The following REPS2 variants were observed in gnomAD, a reference collection of about 807,000 sequenced individuals.
REPS2 encodes the protein ralBP1-associated Eps domain-containing protein 2.
A neutral mutation model predicts 53.6 loss-of-function variants in REPS2; 23 were observed. The ratio of observed to expected loss-of-function variants is 0.43; its 90% CI spans 0.31 to 0.61. REPS2 has a LOEUF of 0.61. REPS2 is among the 20% of genes least tolerant of loss of function. The pLI, the probability that REPS2 is intolerant of heterozygous loss-of-function variation, is 0.11. For missense variants in REPS2, 446 were observed against 534.9 expected, an observed-to-expected ratio of 0.83 and a Z score of 1.64; for synonymous variants, 238 against 218.6, an observed-to-expected ratio of 1.09 and a Z score of -0.78.
At chrX:17,124,450 C>T (rs1336710563) in intron 14 of REPS2, among the ~76,000 whole-genome samples, 1 of 111,531 alleles carries the variant, frequency 9.0e-6, no homozygotes, top group Non-Finnish European at 1.9e-5. Context: ...GTCTCTTGGA[C>T]CTTCTTGAGG....
chrX:17,191,069 AC>A, the REPS2 span, among the ~76,000 whole-genome samples: 6 of 111,801 alleles, frequency 5.4e-5, no homozygotes, highest in African/African-American at 1.9e-4. Context: ...TAGACACGAC[AC>A]AAAAAACATG....
At chrX:16,952,433 T>A (rs1007345677) in intron 1 of REPS2, among the ~76,000 whole-genome samples, 3 of 112,089 alleles carry the variant, frequency 2.7e-5, no homozygotes, top group African/African-American at 9.7e-5. Flanking sequence ...TTAAGGGGAA[T>A]AATTATAAAA....
intron 9 of REPS2, among the ~76,000 whole-genome samples, chrX:17,068,058 A>T (rs1479636578): frequency 8.9e-6 from 1 of 112,000 alleles, no homozygotes; most frequent in African/African-American, 3.2e-5. Context: ...TCACGCCTAT[A>T]ATCTTAGCAC....
At chrX:17,059,920 A>G (rs9779316) in intron 8 of REPS2, among the ~76,000 whole-genome samples, 128 of 36,886 alleles carry the variant, frequency 3.5e-3, no homozygotes, top group Admixed American at 0.011. Context: ...GTTTCATCAA[A>G]AGTCTCCTTT....
At chrX:17,047,776 C>A (rs1227138053) in intron 6 of REPS2, among the ~76,000 whole-genome samples, 1 of 112,846 alleles carries the variant, frequency 8.9e-6, no homozygotes, top group Non-Finnish European at 1.9e-5. Context: ...CCCAAGGGGC[C>A]ACCTCTCATT....
intron 1 of REPS2, among the ~76,000 whole-genome samples, chrX:16,968,773 G>A (rs1470137907): frequency 2.6e-4 from 25 of 97,241 alleles, no homozygotes; most frequent in South Asian, 4.8e-4. Context: ...AGGGGCGGCC[G>A]GGCAGAGGCG....
chrX:16,983,820 G>C (rs1424246673), intron 1 of REPS2, among the ~76,000 whole-genome samples: 3 of 112,501 alleles, frequency 2.7e-5, no homozygotes, highest in Non-Finnish European at 5.6e-5. Flanking sequence ...TTTTGTTTTT[G>C]ATGAAGACAT....
At chrX:16,993,114 C>T (rs577739283) in intron 1 of REPS2, among the ~76,000 whole-genome samples, 8 of 111,941 alleles carry the variant, frequency 7.1e-5, no homozygotes, top group African/African-American at 2.6e-4. Flanking sequence ...ATGGAGTTTG[C>T]TGGCTCAGCA....
intron 6 of REPS2, among the ~76,000 whole-genome samples, chrX:17,051,339 T>C (rs1199109705): frequency 9.8e-5 from 11 of 112,232 alleles, no homozygotes; most frequent in African/African-American, 3.6e-4. Flanking sequence ...ACATATTTCT[T>C]TGATACACTG....
intron 13 of REPS2, among the ~76,000 whole-genome samples, chrX:17,083,188 A>T (rs1208892100): frequency 9.8e-6 from 1 of 101,631 alleles, no homozygotes; most frequent in African/African-American, 3.7e-5. Flanking sequence ...GTTCATGCCC[A>T]TTCTCCTGCC....
chrX:17,190,476 C>A, the REPS2 span, among the ~76,000 whole-genome samples: 11 of 112,032 alleles, frequency 9.8e-5, no homozygotes, highest in African/African-American at 3.6e-4. Context: ...CAAGGAAGGT[C>A]TAAACAAATG....
intron 1 of REPS2, among the ~76,000 whole-genome samples, chrX:16,956,194 C>T (rs746788516): frequency 1.2e-5 from 1 of 80,615 alleles, no homozygotes; most frequent in East Asian, 3.5e-4. Context: ...AAAAGAACTA[C>T]ATCTTTTTTT....
chrX:16,957,078 ATAAT>A (rs1377647395), intron 1 of REPS2, among the ~76,000 whole-genome samples: 4 of 112,317 alleles, frequency 3.6e-5, no homozygotes, highest in African/African-American at 1.3e-4. Context: ...AATTTTCCAA[ATAAT>A]TAAAGTGAAT....
At chrX:17,057,943 T>TTA (rs1162635354) in intron 8 of REPS2, among the ~76,000 whole-genome samples, 1 of 112,100 alleles carries the variant, frequency 8.9e-6, no homozygotes, top group Non-Finnish European at 1.9e-5. Flanking sequence ...AGGGTTATAT[T>TTA]TAATACCTTC....
In REPS2 at chrX:17,066,428, A is replaced by AT. The variant is rs1043228598; in HGVS notation, c.1210-1968dup. Among the ~76,000 whole-genome samples the AT allele has an allele frequency of 5.4e-5, 6 of 111,822 alleles. No individual in the cohort carries two copies. The Admixed American group carries it at 5.7e-4, about 11-fold the overall frequency. On this transcript the variant is annotated intron_variant, in intron 9 of 17. Transcript: ENST00000357277. ...TTTAGATATTTAATTTCTTTCAACAATTTTTTGAGATTTCTTTTTATCTAC... is the reference window on the plus strand; with the variant it reads ...TTTAGATATTTAATTTCTTTCAACAATTTTTTTGAGATTTCTTTTTATCTAC...
chrX:16,964,943 GC>G (rs2060722512), intron 1 of REPS2, among the ~76,000 whole-genome samples: 2 of 84,094 alleles, frequency 2.4e-5, no homozygotes, highest in Non-Finnish European at 4.7e-5. Context: ...CCCGGACGGG[GC>G]GGCTGGCCGG....
At chrX:17,008,477 G>C (rs2061389107) in intron 2 of REPS2, among the ~76,000 whole-genome samples, 1 of 111,933 alleles carries the variant, frequency 8.9e-6, no homozygotes, top group Non-Finnish European at 1.9e-5. Context: ...CAAATATAAG[G>C]CTTTCTCAGT....
chrX:16,950,744 A>G (rs2060495893), intron 1 of REPS2, among the ~76,000 whole-genome samples: 1 of 112,781 alleles, frequency 8.9e-6, no homozygotes, highest in Non-Finnish European at 1.9e-5. Context: ...GACTTGAAAT[A>G]TAACATCCAA....
At chrX:17,176,065 G>T in the REPS2 span, among the ~76,000 whole-genome samples, 2 of 111,973 alleles carry the variant, frequency 1.8e-5, no homozygotes, top group African/African-American at 6.5e-5. Flanking sequence ...TGGTTGGGGG[G>T]GCTGCCCTAG....
Sources: gnomAD v4.1 joint callset for allele counts (sites outside exome capture counted in the v4.1 genomes callset) on GRCh38, gnomAD v4.1.1 for gene constraint, MANE v1.5 for transcripts, NCBI Gene and HGNC (gene_info 2026-07-23, HGNC 2026-07-21) for gene names.